ACAA2: variants seen among roughly 807,000 people sequenced by gnomAD.
The protein encoded by ACAA2 is 3-ketoacyl-CoA thiolase, mitochondrial.
In ACAA2, 35 loss-of-function variants were observed where a neutral mutation model predicts 44.8. The ratio of observed to expected loss-of-function variants is 0.78; its 90% CI spans 0.60 to 1.04. The LOEUF is 1.04. ACAA2 is among the 50% of genes least tolerant of loss of function. The probability of loss-of-function intolerance (pLI) is 0.00; values close to 1 mark genes in which losing one functional copy is unlikely to be tolerated. For missense variants in ACAA2, 468 were observed against 482.6 expected (o/e 0.97, Z 0.28); for synonymous variants, 142 against 166.5 (o/e 0.85, Z 1.13).
At chr18:49,799,356 AG>A (rs1279460282) in intron 2 of ACAA2, among the ~76,000 whole-genome samples, 1 of 150,034 alleles carries the variant, frequency 6.7e-6, no homozygotes, top group Non-Finnish European at 1.5e-5. Context: ...CTGCGATTGC[AG>A]GCACGCGCCG....
intron 2 of ACAA2, among the ~76,000 whole-genome samples, chr18:49,800,976 CAAAG>C (rs1170031315): frequency 6.7e-6 from 1 of 150,294 alleles, no homozygotes; most frequent in Non-Finnish European, 1.5e-5. Context: ...AGGAATAAGA[CAAAG>C]ATATCCATTT....
intron 7 of ACAA2, among the ~76,000 whole-genome samples, chr18:49,790,752 G>A (rs1485458927): frequency 1.3e-5 from 2 of 152,168 alleles, no homozygotes; most frequent in African/African-American, 2.4e-5. Flanking sequence ...AATATTTTAA[G>A]CCAAGACTAT....
chr18:49,802,707 T>C lies in ACAA2; in HGVS notation c.163A>G (p.Ile55Val), dbSNP rs774333357. ...CTAACCTGCAGGACATTGCCCATAA[T>C]CACACTGTCAACTGTTTCAGGTGAG... Reference protein sequence around the residue: ...KVSPETVDSVIMGNVLQSSSD... With the variant: ...KVSPETVDSVVMGNVLQSSSD... Residue 55 changes from isoleucine (I) to valine (V), a missense_variant, in exon 2 of 10, where the codon ATT becomes GTT. Physicochemically the swap from Ile to Val is conservative, Grantham distance 29. Transcript: ENST00000285093. 9 of 1,613,914 alleles carry C rather than the reference T, an allele frequency of 5.6e-6. 1 individual carries two copies. The South Asian group carries it at 9.9e-5, about 18-fold the overall frequency.
intron 5 of ACAA2, 43 bp from the exon 6 acceptor site, chr18:49,792,370 A>C: frequency 6.7e-7 from 1 of 1,495,772 alleles, no homozygotes; most frequent in Non-Finnish European, 9.2e-7. Flanking sequence ...AAAAGAGAGA[A>C]ACATGAAAAT....
At chr18:49,784,582 T>G (rs975585471) in intron 9 of ACAA2, among the ~76,000 whole-genome samples, 3 of 152,230 alleles carry the variant, frequency 2.0e-5, no homozygotes, top group Admixed American at 6.5e-5. Flanking sequence ...ACATTTCCCC[T>G]GGCCTAACAG....
intron 2 of ACAA2, among the ~76,000 whole-genome samples, chr18:49,800,435 G>C (rs979934562): frequency 2.6e-5 from 4 of 152,218 alleles, no homozygotes; most frequent in African/African-American, 4.8e-5. Context: ...GATGACCGTG[G>C]CGGTTTTGTG....
In ACAA2 at chr18:49,795,836, C is replaced by T. The variant is rs747738161; in HGVS notation, c.358G>A (p.Glu120Lys). 47 of 1,612,064 alleles carry T rather than the reference C, an allele frequency of 2.9e-5. No individual in the cohort carries two copies. The highest frequency in any genetic ancestry group is 1.6e-4 in the Middle Eastern group (1 of 6,064). Reference sequence around the variant, plus strand: ...CAGTAGGGAGCTTGGCTCATGCTTTCGGTTCCTCCACATAAAACAACTTCA... The same window carrying T: ...CAGTAGGGAGCTTGGCTCATGCTTTTGGTTCCTCCACATAAAACAACTTCA... ...EAEVVLCGGT[E>K]SMSQAPYCVR... Residue 120 changes from glutamate to lysine, a missense_variant, in exon 4 of 10, where the codon GAA becomes AAA. Physicochemically the swap from Glu to Lys is moderately conservative, Grantham distance 56 (BLOSUM62 1). Transcript: ENST00000285093.
intron 5 of ACAA2, 80 bp downstream of exon 5, chr18:49,794,200 T>C (rs1015138013): frequency 6.0e-6 from 6 of 1,002,712 alleles, no homozygotes; most frequent in Non-Finnish European, 8.0e-6. Flanking sequence ...GTAAATATTA[T>C]ATAACCATAA....
intron 7 of ACAA2, among the ~76,000 whole-genome samples, chr18:49,789,029 TAGATAATGCCAGACTG>T (rs1431226124): frequency 2.6e-5 from 4 of 152,214 alleles, no homozygotes; most frequent in Non-Finnish European, 5.9e-5. Context: ...TGCCAAGTAA[TAGATAATGCCAGACTG>T]CTCCAGCTGA....
chr18:49,810,535 T>C (rs1470976458), intron 1 of ACAA2, among the ~76,000 whole-genome samples: 1 of 151,406 alleles, frequency 6.6e-6, no homozygotes, highest in African/African-American at 2.4e-5. Context: ...CATGGGAAAA[T>C]AAAAACAAAA....
At chr18:49,786,213 C>T (rs1253150701) in intron 8 of ACAA2, 2 of 152,110 alleles carry the variant, frequency 1.3e-5, no homozygotes. Flanking sequence ...TCTTTCTACT[C>T]TATATACAGA....
intron 1 of ACAA2, 41 bp downstream of exon 1, chr18:49,813,428 G>A (rs2945506): frequency 0.53 from 658,110 of 1,234,282 alleles, 178,413 homozygotes; most frequent in Middle Eastern, 0.61. Flanking sequence ...GGGAGGGCAG[G>A]ACCCCGAGGG....
chr18:49,796,664 T>C (rs533727344), intron 3 of ACAA2, among the ~76,000 whole-genome samples: 49 of 152,266 alleles, frequency 3.2e-4, no homozygotes, highest in African/African-American at 1.2e-3. Context: ...TTCACTTCCT[T>C]TGAAATAAAA....
In ACAA2 at chr18:49,799,913, T is replaced by C. The variant is rs1408279853; in HGVS notation, c.184-2319A>G. Among the ~76,000 whole-genome samples, 4 of 123,282 alleles carry C rather than the reference T, an allele frequency of 3.2e-5. No individual in the cohort carries two copies. The East Asian group carries it at 1.1e-3, about 34-fold the overall frequency. 80.9% of individuals were successfully genotyped at this position (123,282 alleles called of 152,430 possible). On this transcript the variant is annotated intron_variant, in intron 2 of 9. Coordinates refer to ENST00000285093, the MANE Select transcript of ACAA2 (RefSeq NM_006111.3). ...GGAGCGTCTCTGCCCGGCTGCCCCA[T>C]CTGAGAAGTGAGGAGACCCTCTGCC...
intron 2 of ACAA2, among the ~76,000 whole-genome samples, chr18:49,801,785 CATA>C (rs1311893959): frequency 8.0e-5 from 9 of 112,226 alleles, no homozygotes; most frequent in South Asian, 3.3e-4. Context: ...AGAAACTGAT[CATA>C]TATATATATA....
chr18:49,799,824 G>A (rs1400726959), intron 2 of ACAA2, among the ~76,000 whole-genome samples: 24 of 63,126 alleles, frequency 3.8e-4, no homozygotes, highest in South Asian at 2.0e-3. Context: ...GTCTCTGCCC[G>A]GCCGCCCATC....
Position 49,802,559 on chromosome 18 carries a change from T to C in ACAA2, c.183+128A>G, listed in dbSNP as rs906469026. 13 of 475,332 alleles carry C rather than the reference T, an allele frequency of 2.7e-5. No homozygotes were observed. In the African/African-American group the frequency reaches 6.1e-4, roughly 22 times the overall value. The allele number at this position is 475,332 out of a possible 1,614,324, so 29.4% of individuals were successfully genotyped here. On this transcript the variant is annotated intron_variant, in intron 2 of 9. Coordinates refer to ENST00000285093, the MANE Select transcript of ACAA2 (RefSeq NM_006111.3). ...CCTGGCGGCAGAGCGAGACTCCATC[T>C]CAAAAAAAAAAAAAAAAAGTCTATA...
At chr18:49,806,730 A>G (rs2023613954) in intron 1 of ACAA2, among the ~76,000 whole-genome samples, 1 of 152,254 alleles carries the variant, frequency 6.6e-6, no homozygotes, top group South Asian at 2.1e-4. Context: ...AACTATGCTC[A>G]AGGATGTAGA....
chr18:49,812,236 G>T (rs763377217), intron 1 of ACAA2, among the ~76,000 whole-genome samples: 2 of 152,160 alleles, frequency 1.3e-5, no homozygotes, highest in African/African-American at 2.4e-5. Context: ...TGCCACTTTG[G>T]TTCTTCTCAC....
Sources: allele counts gnomAD v4.1 joint callset (sites outside exome capture counted in the v4.1 genomes callset), GRCh38; gene constraint gnomAD v4.1.1; transcripts MANE v1.5; gene names NCBI Gene and HGNC (gene_info 2026-07-23, HGNC 2026-07-21).